Variants in ZNF236 observed in about 807,000 individuals in gnomAD.
The protein encoded by ZNF236 is regulated by glucose.
Under a neutral mutation model 191.2 loss-of-function variants are expected in ZNF236, and 50 were observed. The ratio of observed to expected loss-of-function variants is 0.26; its 90% CI spans 0.21 to 0.33. The LOEUF (loss-of-function observed/expected upper bound fraction) is 0.33. Ranked by LOEUF, ZNF236 falls within the 10% of genes least tolerant of loss-of-function variation. The pLI, the probability that ZNF236 is intolerant of heterozygous loss-of-function variation, is 1.00. For missense variants in ZNF236, 1,754 were observed against 2,374.5 expected (o/e 0.74, Z 5.43); for synonymous variants, 907 against 928.8 (o/e 0.98, Z 0.43).
At chr18:76,954,577 T>G (rs1968479092) in intron 27 of ZNF236, among the ~76,000 whole-genome samples, 1 of 152,192 alleles carries the variant, frequency 6.6e-6, no homozygotes, top group Admixed American at 6.5e-5. Context: ...TTCTTTACAC[T>G]CACAGATATT....
intron 1 of ZNF236, among the ~76,000 whole-genome samples, chr18:76,823,170 C>A (rs1257695739): frequency 1.3e-5 from 2 of 152,020 alleles, no homozygotes; most frequent in South Asian, 4.1e-4. Flanking sequence ...ACGTTGGGCT[C>A]GGCCCACAGG....
Position 76,957,086 on chromosome 18 carries a change from C to T in ZNF236, c.5112+904C>T, listed in dbSNP as rs145557439. Among the ~76,000 whole-genome samples the T allele has an allele frequency of 4.7e-4, 71 of 152,282 alleles. No homozygotes were observed. In the East Asian group the frequency reaches 0.013, roughly 28 times the overall value. On this transcript the variant is annotated intron_variant, in intron 28 of 30. Coordinates refer to ENST00000320610, the MANE Select transcript of ZNF236 (RefSeq NM_001306089.2). ...GGCCACGCAGAGGGCAGAGGCGTGC[C>T]ACGCTGGCCGGGAAGGAAAGCTGCA...
At chr18:76,845,808 C>G (rs905313223) in intron 1 of ZNF236, among the ~76,000 whole-genome samples, 1 of 151,810 alleles carries the variant, frequency 6.6e-6, no homozygotes, top group African/African-American at 2.4e-5. Flanking sequence ...GAGATCGCAC[C>G]ATTGCACTAC....
rs1278859188 is a variant in ZNF236 at position 76,851,803 on chromosome 18, C to T, written c.227C>T (p.Thr76Ile). 1.2e-6 allele frequency: 2 copies of T among 1,613,730 alleles called. No homozygotes were observed. Among genetic ancestry groups the T allele is most frequent in the Non-Finnish European group, 1.7e-6 (2 of 1,179,908 alleles). Reference protein sequence around the residue: ...KPHRCDQCPQTFNVEFNLTLH... With the variant: ...KPHRCDQCPQIFNVEFNLTLH... Reference sequence around the variant, plus strand: ...CATCGATGTGACCAGTGCCCCCAAACATTTAATGTTGAATTCAACCTGACA... The same window carrying T: ...CATCGATGTGACCAGTGCCCCCAAATATTTAATGTTGAATTCAACCTGACA... Residue 76 changes from threonine (T) to isoleucine (I), a missense_variant, in exon 3 of 31, where the codon ACA (threonine) becomes ATA (isoleucine). Physicochemically the swap from Thr to Ile is moderately conservative, Grantham distance 89. Around this residue, in one of 5 missense-constraint regions of ZNF236, gnomAD observed 336 missense variants for 495.1 expected, o/e 0.68. Coordinates refer to ENST00000320610, the MANE Select transcript of ZNF236 (RefSeq NM_001306089.2).
intron 2 of ZNF236, among the ~76,000 whole-genome samples, chr18:76,850,576 T>A (rs2122509061): frequency 6.6e-6 from 1 of 152,230 alleles, no homozygotes; most frequent in East Asian, 1.9e-4. Flanking sequence ...TAAAATCTAG[T>A]AAAATTTTTT....
rs897836756 is a variant in ZNF236, at chr18:76,937,357, A to T, written c.4782+14A>T. 3 of 1,583,380 alleles carry T rather than the reference A, an allele frequency of 1.9e-6. No homozygotes were observed. The Admixed American group carries it at 5.1e-5, about 27-fold the overall frequency. On this transcript the variant is annotated intron_variant, in intron 26 of 30. Coordinates refer to ENST00000320610, the MANE Select transcript of ZNF236 (RefSeq NM_001306089.2). ...ATCACCTCTCAGGCAAGTGCTCCTC[A>T]GAGAGGGATGCGAAGGTCCTTTCAA...
intron 1 of ZNF236, among the ~76,000 whole-genome samples, chr18:76,842,371 G>T (rs1975533785): frequency 6.6e-6 from 1 of 150,990 alleles, no homozygotes; most frequent in Admixed American, 6.6e-5. Flanking sequence ...TTTTTCTGTG[G>T]TTTTACAGGA....
chr18:76,857,696 G>A (rs975505141), intron 3 of ZNF236, among the ~76,000 whole-genome samples: 2 of 152,132 alleles, frequency 1.3e-5, no homozygotes, highest in Admixed American at 6.5e-5. Context: ...GGCCTTTCCC[G>A]GGCTGCCTTC....
chr18:76,900,600 A>G (rs569694555), intron 11 of ZNF236, among the ~76,000 whole-genome samples: 5 of 152,364 alleles, frequency 3.3e-5, no homozygotes, highest in Admixed American at 6.5e-5. Context: ...CCAAAATTTC[A>G]TTACATGAAA....
intron 3 of ZNF236, among the ~76,000 whole-genome samples, chr18:76,853,219 C>T (rs1975933667): frequency 2.0e-5 from 3 of 152,020 alleles, no homozygotes; most frequent in South Asian, 2.1e-4. Context: ...GCTGGGATTA[C>T]AGGTGCCTGC....
chr18:76,849,476 G>T, intron 1 of ZNF236, 50 bp from the exon 2 acceptor site: 1 of 1,438,112 alleles, frequency 7.0e-7, no homozygotes, highest in Non-Finnish European at 9.3e-7. Context: ...TTATTTATGT[G>T]ATGAGAATAA....
intron 5 of ZNF236, among the ~76,000 whole-genome samples, chr18:76,874,769 G>T (rs1435102286): frequency 6.0e-4 from 4 of 6,666 alleles, no homozygotes; most frequent in Non-Finnish European, 1.0e-3. Context: ...GATTTCAGAG[G>T]CCCGGAAGTG....
intron 1 of ZNF236, among the ~76,000 whole-genome samples, chr18:76,832,559 A>C (rs1164581818): frequency 7.1e-6 from 1 of 140,470 alleles, no homozygotes; most frequent in Non-Finnish European, 1.5e-5. Context: ...TTCTGTACTT[A>C]CTCTTTTCCA....
At chr18:76,950,931 CT>C (rs1968392210) in intron 27 of ZNF236, among the ~76,000 whole-genome samples, 1 of 152,240 alleles carries the variant, frequency 6.6e-6, no homozygotes, top group Admixed American at 6.5e-5. Context: ...ACATTCATCT[CT>C]TTGTACATCT....
chr18:76,917,560 C>T (rs568977251), intron 19 of ZNF236, among the ~76,000 whole-genome samples: 3 of 152,262 alleles, frequency 2.0e-5, no homozygotes, highest in South Asian at 2.1e-4. Context: ...TGTTAAATTG[C>T]GTTGTTTTGC....
intron 27 of ZNF236, among the ~76,000 whole-genome samples, chr18:76,948,188 A>AATT (rs1968314232): frequency 6.6e-6 from 1 of 152,216 alleles, no homozygotes; most frequent in Non-Finnish European, 1.5e-5. Flanking sequence ...GAAGAGTCTA[A>AATT]AATCTCTTTC....
At chr18:76,901,487 G>T (rs143797945) in intron 11 of ZNF236, among the ~76,000 whole-genome samples, 2 of 152,196 alleles carry the variant, frequency 1.3e-5, no homozygotes, top group Non-Finnish European at 2.9e-5. Context: ...GGTTGGGCGC[G>T]GTGGCTCACG....
At chr18:76,884,819 G>T (rs934796836) in intron 9 of ZNF236, 8 of 152,166 alleles carry the variant, frequency 5.3e-5, no homozygotes, top group Non-Finnish European at 8.8e-5. Flanking sequence ...TTTGTGGTCT[G>T]CCAAGTTCTT....
chr18:76,916,767 C>T (rs570660875), intron 19 of ZNF236, among the ~76,000 whole-genome samples: 5 of 152,290 alleles, frequency 3.3e-5, no homozygotes, highest in East Asian at 1.9e-4. Flanking sequence ...TTGCCTGTGC[C>T]GCGGCCATCC....
Sources: gnomAD v4.1 joint callset for allele counts (sites outside exome capture counted in the v4.1 genomes callset) on GRCh38, gnomAD v4.1.1 for gene constraint, gnomAD v4.1.1 regional missense constraint, MANE v1.5 for transcripts, NCBI Gene and HGNC (gene_info 2026-07-23, HGNC 2026-07-21) for gene names.